The following SOX5 variants were observed in gnomAD, a reference collection of about 807,000 sequenced individuals.
The protein encoded by SOX5 is transcription factor SOX-5.
In SOX5, 9 loss-of-function variants were observed where a neutral mutation model predicts 92.0. The ratio of observed to expected loss-of-function variants is 0.10; its 90% CI spans 0.06 to 0.17. SOX5 has a LOEUF of 0.17. Among genes scored for constraint, SOX5 ranks in the 10% least tolerant of loss-of-function variants. The probability of loss-of-function intolerance (pLI) is 1.00; values close to 1 mark genes in which losing one functional copy is unlikely to be tolerated. For synonymous variants in SOX5, 344 were observed against 336.3 expected (o/e 1.02, Z -0.25); for missense variants, 642 against 944.5 (o/e 0.68, Z 4.20).
chr12:23,576,177 T>G (rs1282401180), intron 9 of SOX5, among the ~76,000 whole-genome samples: 1 of 148,056 alleles, frequency 6.8e-6, no homozygotes, highest in Non-Finnish European at 1.5e-5. Context: ...ATCTGAAATA[T>G]GATGTAGGTA....
chr12:23,593,594 T>G (rs1276581742), intron 9 of SOX5, among the ~76,000 whole-genome samples: 1 of 152,306 alleles, frequency 6.6e-6, no homozygotes, highest in South Asian at 2.1e-4. Flanking sequence ...ATAAAACTGA[T>G]GTATTAGATC....
At chr12:23,639,329 G>C (rs1304098863) in intron 8 of SOX5, among the ~76,000 whole-genome samples, 5 of 152,118 alleles carry the variant, frequency 3.3e-5, no homozygotes, top group African/African-American at 9.7e-5. Context: ...GAAGAGAGTC[G>C]TGCAATGAAC....
intron 3 of SOX5, among the ~76,000 whole-genome samples, chr12:24,273,206 C>A (rs1035695556): frequency 1.3e-5 from 2 of 152,186 alleles, no homozygotes; most frequent in Non-Finnish European, 2.9e-5. Flanking sequence ...TTGCAGTGAG[C>A]CAAGATCAAG....
chr12:23,539,576 A>C (rs983974422), intron 13 of SOX5, among the ~76,000 whole-genome samples: 1 of 148,508 alleles, frequency 6.7e-6, no homozygotes, highest in African/African-American at 2.5e-5. Context: ...AAGAGGAGTT[A>C]GACTAACTTA....
intron 4 of SOX5, among the ~76,000 whole-genome samples, chr12:23,995,530 TA>T (rs1369165132): frequency 2.6e-5 from 4 of 152,086 alleles, no homozygotes; most frequent in South Asian, 2.1e-4. Context: ...ACTCTGTGTC[TA>T]CAAAAAAACT....
chr12:24,062,756 C>T (rs1939978664), intron 4 of SOX5, among the ~76,000 whole-genome samples: 1 of 152,200 alleles, frequency 6.6e-6, no homozygotes, highest in African/African-American at 2.4e-5. Context: ...GAGAAGTTCT[C>T]AGGCTTAGAA....
chr12:23,728,312 G>A (rs2093246777), intron 6 of SOX5, among the ~76,000 whole-genome samples: 1 of 152,082 alleles, frequency 6.6e-6, no homozygotes, highest in Admixed American at 6.6e-5. Context: ...GAGTTAATGC[G>A]TGTCTTTCTC....
In SOX5 at chr12:24,244,048, T is replaced by TAA. The variant is rs3031151; in HGVS notation, c.-76-30633_-76-30632dup. Among the ~76,000 whole-genome samples the TAA allele has an allele frequency of 1.3e-3, 175 of 131,604 alleles. 1 individual carries two copies. Among genetic ancestry groups the TAA allele is most frequent in the Non-Finnish European group, 1.5e-3 (91 of 59,376 alleles). The allele number at this position is 131,604 out of a possible 152,430, so 86.3% of individuals were successfully genotyped here. On this transcript the variant is annotated intron_variant, in intron 3 of 4. Coordinates refer to the SOX5 transcript ENST00000446891. ...TAAATTTTGAATGTAGGCATATTGA[T>TAA]AAAAAAAAAAAAAAAAAAGAAAAGG... is the stretch of plus-strand genomic sequence containing the variant.
chr12:23,994,574 G>A (rs1001578776), intron 4 of SOX5, among the ~76,000 whole-genome samples: 7 of 152,116 alleles, frequency 4.6e-5, no homozygotes, highest in African/African-American at 7.2e-5. Flanking sequence ...TATTTTCTCC[G>A]TAATTTTGCC....
Position 24,171,229 on chromosome 12 carries a change from G to GT in SOX5, c.-2+42113dup, listed in dbSNP as rs1285258917. ...AACAGTTTTTTTTGTTTGTTTGTTT[G>GT]TTTTTTTTTTTGGAGACAGAGTCTC... is the stretch of plus-strand genomic sequence containing the variant. On this transcript the variant is annotated intron_variant, in intron 4 of 4. Coordinates refer to the SOX5 transcript ENST00000446891. Among the ~76,000 whole-genome samples, 57 of 58,340 alleles carry GT rather than the reference G, an allele frequency of 9.8e-4. 5 individuals carry two copies. The highest frequency in any genetic ancestry group is 3.5e-3 in the Admixed American group (13 of 3,704). The allele number at this position is 58,340 out of a possible 152,430, so 38.3% of individuals were successfully genotyped here.
rs71059936 is a variant in SOX5 at position 23,863,793 on chromosome 12, T to TACACACACAC, written c.271-17610_271-17601dup. Among the ~76,000 whole-genome samples the TACACACACAC allele has an allele frequency of 2.7e-4, 40 of 145,702 alleles. 1 individual carries two copies. The highest frequency in any genetic ancestry group is 3.3e-4 in the African/African-American group (13 of 38,964). On this transcript the variant is annotated intron_variant, in intron 2 of 14. Transcript: ENST00000451604. ...CTCCTAAATAACATTTTAAACACAC[T>TACACACACAC]ACACACACACACACACACACACACA...
At chr12:24,377,731 C>T (rs572618933) in intron 1 of SOX5, among the ~76,000 whole-genome samples, 2 of 152,284 alleles carry the variant, frequency 1.3e-5, no homozygotes, top group African/African-American at 4.8e-5. Flanking sequence ...AATCTCTTGC[C>T]TCAGTTTCCA....
At chr12:24,361,626 T>C (rs1035710678) in intron 2 of SOX5, among the ~76,000 whole-genome samples, 1 of 151,624 alleles carries the variant, frequency 6.6e-6, no homozygotes, top group Non-Finnish European at 1.5e-5. Context: ...TGTGTGTGTG[T>C]GTGTGTGCGC....
intron 1 of SOX5, among the ~76,000 whole-genome samples, chr12:24,416,173 G>T (rs1485002887): frequency 1.3e-5 from 2 of 152,206 alleles, no homozygotes; most frequent in African/African-American, 2.4e-5. Context: ...AGGGATTTTT[G>T]AAAGAAGCCA....
intron 1 of SOX5, among the ~76,000 whole-genome samples, chr12:23,937,787 T>C (rs1229026833): frequency 6.6e-6 from 1 of 150,972 alleles, no homozygotes; most frequent in African/African-American, 2.4e-5. Flanking sequence ...GGCCCTTGTT[T>C]GCATTATTTA....
At chr12:23,828,134 C>G (rs1052269016) in intron 3 of SOX5, among the ~76,000 whole-genome samples, 3 of 152,102 alleles carry the variant, frequency 2.0e-5, no homozygotes, top group Non-Finnish European at 4.4e-5. Flanking sequence ...CAAATACTTA[C>G]TTTTTTGTTA....
At position 23,587,751 on chromosome 12, in the gene SOX5, T is replaced by C. The variant is rs146506870; in HGVS notation, c.1165-11913A>G. Among the ~76,000 whole-genome samples the C allele has an allele frequency of 2.2e-3, 335 of 152,212 alleles. 10 individuals carry two copies. The East Asian group carries it at 0.051, about 23-fold the overall frequency. On this transcript the variant is annotated intron_variant, in intron 9 of 14. Coordinates refer to ENST00000451604, the MANE Select transcript of SOX5 (RefSeq NM_006940.6). ...AACACTATTATTTATATAGACCTAT[T>C]TGCCTTCAACTTAATACACATGTCA...
chr12:24,322,931 T>G (rs980068726), intron 2 of SOX5, among the ~76,000 whole-genome samples: 2 of 152,118 alleles, frequency 1.3e-5, no homozygotes, highest in Non-Finnish European at 2.9e-5. Flanking sequence ...CAAGCCTTTT[T>G]CCCAATTCAA....
At chr12:24,528,770 G>A (rs1298029359) in intron 1 of SOX5, among the ~76,000 whole-genome samples, 1 of 152,178 alleles carries the variant, frequency 6.6e-6, no homozygotes, top group African/African-American at 2.4e-5. Context: ...GCATTTATAG[G>A]CTATGGAATA....
Sources: allele counts gnomAD v4.1 joint callset (sites outside exome capture counted in the v4.1 genomes callset), GRCh38; gene constraint gnomAD v4.1.1; transcripts MANE v1.5; gene names NCBI Gene and HGNC (gene_info 2026-07-23, HGNC 2026-07-21).